The following MBNL1 variants were observed in gnomAD, a reference collection of about 807,000 sequenced individuals.
MBNL1 encodes the protein muscleblind like splicing regulator 1, also known as muscleblind-like protein 1.
MBNL1 carries 8 observed loss-of-function variants against 42.2 expected under a neutral mutation model. That is an observed-to-expected ratio of 0.19 (90% CI 0.11 to 0.34). The LOEUF is 0.34. MBNL1 is among the 10% of genes least tolerant of loss of function. The probability of loss-of-function intolerance (pLI) is 1.00; values close to 1 mark genes in which losing one functional copy is unlikely to be tolerated. For missense variants in MBNL1, 309 were observed against 495.3 expected (o/e 0.62, Z 3.57); for synonymous variants, 169 against 173.9 (o/e 0.97, Z 0.22).
intron 1 of MBNL1, among the ~76,000 whole-genome samples, chr3:152,295,701 A>G (rs2058268111): frequency 6.6e-6 from 1 of 152,194 alleles, no homozygotes. Context: ...AGTCCTATAG[A>G]GAAGGTGATT....
intron 6 of MBNL1, among the ~76,000 whole-genome samples, chr3:152,451,560 G>C (rs1022484795): frequency 1.3e-5 from 2 of 151,950 alleles, no homozygotes; most frequent in South Asian, 4.2e-4. Context: ...TGGTATACCA[G>C]TATTTATGTG....
intron 1 of MBNL1, among the ~76,000 whole-genome samples, chr3:152,277,793 A>C (rs1351120969): frequency 1.3e-5 from 2 of 152,124 alleles, no homozygotes; most frequent in Non-Finnish European, 2.9e-5. Flanking sequence ...AATTCCCATG[A>C]AATAAAGACA....
intron 2 of MBNL1, among the ~76,000 whole-genome samples, chr3:152,401,053 A>C (rs1437268973): frequency 6.6e-6 from 1 of 152,136 alleles, no homozygotes; most frequent in African/African-American, 2.4e-5. Flanking sequence ...TGGAGGCTGG[A>C]TGTAGGAATT....
chr3:152,395,053 G>A (rs1424731351), intron 2 of MBNL1, among the ~76,000 whole-genome samples: 1 of 152,068 alleles, frequency 6.6e-6, no homozygotes, highest in Non-Finnish European at 1.5e-5. Flanking sequence ...GTAGAGACGG[G>A]TTTCACCATG....
chr3:152,250,680 G>A (rs1460438350), intron 2 of MBNL1, among the ~76,000 whole-genome samples: 1 of 150,222 alleles, frequency 6.7e-6, no homozygotes, highest in Non-Finnish European at 1.5e-5. Context: ...GTGAGAGAGG[G>A]CATCCCTGTC....
chr3:152,451,175 A>C (rs1147310), intron 6 of MBNL1, among the ~76,000 whole-genome samples: 151,467 of 151,652 alleles, frequency 1, 75,642 homozygotes, highest in Middle Eastern at 1. Context: ...ATGTGTAGAT[A>C]TATTTTATTC....
intron 2 of MBNL1, among the ~76,000 whole-genome samples, chr3:152,401,556 C>G (rs1200593749): frequency 1.3e-5 from 2 of 152,094 alleles, no homozygotes. Flanking sequence ...CACAATTTCC[C>G]AAGTGAAGGT....
At chr3:152,379,647 T>A (rs2097092383) in intron 2 of MBNL1, among the ~76,000 whole-genome samples, 2 of 152,186 alleles carry the variant, frequency 1.3e-5, no homozygotes, top group Non-Finnish European at 2.9e-5. Flanking sequence ...AGGCAGAATC[T>A]CAAAAATTTT....
chr3:152,311,864 A>AGT (rs1188710364), intron 2 of MBNL1, among the ~76,000 whole-genome samples: 1 of 152,062 alleles, frequency 6.6e-6, no homozygotes, highest in Non-Finnish European at 1.5e-5. Flanking sequence ...CTGGGTATTT[A>AGT]GTAGCTATCA....
intron 2 of MBNL1, among the ~76,000 whole-genome samples, chr3:152,249,658 A>G (rs1329649877): frequency 6.6e-6 from 1 of 151,294 alleles, no homozygotes; most frequent in African/African-American, 2.4e-5. Context: ...TTTTGTTGCC[A>G]TTCTTTTTGG....
chr3:152,337,973 G>A (rs1217133817), intron 2 of MBNL1: 7 of 495,544 alleles, frequency 1.4e-5, no homozygotes, highest in East Asian at 3.1e-4. Context: ...GCTGCCTTGC[G>A]GATCAGCACC....
chr3:152,325,152 CTT>C (rs1260558966), intron 2 of MBNL1, among the ~76,000 whole-genome samples: 3 of 134,988 alleles, frequency 2.2e-5, no homozygotes, highest in Non-Finnish European at 3.1e-5. Context: ...GCCTGGGACT[CTT>C]TTTTCTTCCT....
At chr3:152,269,510 C>T in intron 1 of MBNL1, 1 of 455,400 alleles carries the variant, frequency 2.2e-6, no homozygotes, top group Non-Finnish European at 4.4e-6. Context: ...TCCCGCATCC[C>T]TGGCCCCGGG....
chr3:152,312,805 G>T (rs1007075198), intron 2 of MBNL1, among the ~76,000 whole-genome samples: 2 of 151,920 alleles, frequency 1.3e-5, no homozygotes, highest in African/African-American at 4.8e-5. Flanking sequence ...TTGTGTTTTG[G>T]TATTTTCTGA....
At chr3:152,456,739 T>A (rs190260828) in intron 8 of MBNL1, among the ~76,000 whole-genome samples, 5 of 151,716 alleles carry the variant, frequency 3.3e-5, no homozygotes, top group Non-Finnish European at 5.9e-5. Context: ...ATATACAGTT[T>A]CTTAGTTCTT....
At chr3:152,374,512 G>T (rs571440610) in intron 2 of MBNL1, among the ~76,000 whole-genome samples, 2 of 152,276 alleles carry the variant, frequency 1.3e-5, no homozygotes, top group South Asian at 4.1e-4. Context: ...TAAACCCATA[G>T]AGTTGACAGA....
intron 2 of MBNL1, among the ~76,000 whole-genome samples, chr3:152,370,658 A>G (rs1443578273): frequency 3.9e-5 from 6 of 152,152 alleles, no homozygotes. Flanking sequence ...GTCTCTAAGA[A>G]CTTGCTTATG....
intron 2 of MBNL1, among the ~76,000 whole-genome samples, chr3:152,330,443 C>G (rs568341460): frequency 6.6e-6 from 1 of 152,120 alleles, no homozygotes; most frequent in Non-Finnish European, 1.5e-5. Context: ...AAAATCTGCC[C>G]ATTTTTATAT....
intron 2 of MBNL1, among the ~76,000 whole-genome samples, chr3:152,391,341 A>G (rs2097708333): frequency 6.6e-6 from 1 of 152,240 alleles, no homozygotes; most frequent in African/African-American, 2.4e-5. Flanking sequence ...GAACCATGAA[A>G]TCTTCATAGC....
Sources: gnomAD v4.1 joint callset for allele counts (sites outside exome capture counted in the v4.1 genomes callset) on GRCh38, gnomAD v4.1.1 for gene constraint, MANE v1.5 for transcripts, NCBI Gene and HGNC (gene_info 2026-07-23, HGNC 2026-07-21) for gene names.